Variants in CAPRIN2 observed in about 807,000 individuals in gnomAD.
The protein encoded by CAPRIN2 is caprin-2.
Under a neutral mutation model 130.4 loss-of-function variants are expected in CAPRIN2, and 66 were observed. The ratio of observed to expected loss-of-function variants is 0.51; its 90% CI spans 0.42 to 0.62. The LOEUF is 0.62. Ranked by LOEUF, CAPRIN2 falls within the 20% of genes least tolerant of loss-of-function variation. The probability of loss-of-function intolerance (pLI) is 0.00; values close to 1 mark genes in which losing one functional copy is unlikely to be tolerated. For missense variants in CAPRIN2, 1,185 were observed against 1,246.6 expected (o/e 0.95, Z 0.74); for synonymous variants, 471 against 444.1 (o/e 1.06, Z -0.76).
At chr12:30,715,507 G>A in intron 13 of CAPRIN2, 1 of 456,430 alleles carries the variant, frequency 2.2e-6, no homozygotes, top group Non-Finnish European at 4.4e-6. Context: ...CCAGGGGCTG[G>A]GGGGAGAGGA....
chr12:30,751,909 ATTTTTTTTTTTT>A (rs574883707), intron 1 of CAPRIN2, among the ~76,000 whole-genome samples: 63 of 87,868 alleles, frequency 7.2e-4, no homozygotes, highest in African/African-American at 2.1e-3. Context: ...CCACTATGGT[ATTTTTTTTTTTT>A]TTTTTTTTTT....
exon 1 of CAPRIN2, chr12:30,753,413 C>A: frequency 1.2e-6 from 2 of 1,613,890 alleles, no homozygotes; most frequent in Non-Finnish European, 1.7e-6. Context: ...AGGTCTCATA[C>A]GCTTGGGAAG....
At chr12:30,746,335 T>C (rs2070344741) in intron 2 of CAPRIN2, among the ~76,000 whole-genome samples, 1 of 152,172 alleles carries the variant, frequency 6.6e-6, no homozygotes, top group Admixed American at 6.5e-5. Flanking sequence ...AAGGCTACAG[T>C]GAGCTATGAT....
intron 16 of CAPRIN2, 58 bp downstream of exon 18, chr12:30,711,508 G>T: frequency 7.7e-7 from 1 of 1,301,114 alleles, no homozygotes; most frequent in Non-Finnish European, 1.1e-6. Context: ...GGTAGAGGAT[G>T]CAGAAAGAAC....
In CAPRIN2 at chr12:30,729,041, G is replaced by A. The variant is rs1470991984; in HGVS notation, c.1389C>T (p.Ser463=). The change falls in exon 8 of 17, where the codon TCC becomes TCT. Residue 463 remains serine (S), a synonymous_variant. Coordinates refer to ENST00000298892, the Ensembl canonical transcript of CAPRIN2. Reference sequence around the variant, plus strand: ...ACTGGCTAGGAGATGGCTTGGATTTGGAGATCTCCTGCTTCTTCTGCTCTT... The same window carrying A: ...ACTGGCTAGGAGATGGCTTGGATTTAGAGATCTCCTGCTTCTTCTGCTCTT... 4.3e-6 allele frequency: 7 copies of A among 1,614,102 alleles called. No homozygotes were observed. The African/African-American group carries it at 9.3e-5, about 22-fold the overall frequency.
At chr12:30,716,725 T>C in intron 12 of CAPRIN2, 49 bp from the exon 15 acceptor site, 1 of 1,565,418 alleles carries the variant, frequency 6.4e-7, no homozygotes, top group Non-Finnish European at 8.7e-7. Context: ...TCAAAGAAAA[T>C]GCTTAAGGGT....
chr12:30,720,058 G>A (rs2136959885), intron 12 of CAPRIN2: 1 of 152,244 alleles, frequency 6.6e-6, no homozygotes, highest in South Asian at 2.1e-4. Context: ...AATTGAAATT[G>A]AAAGCACAAA....
At chr12:30,713,952 T>G in intron 14 of CAPRIN2, 67 bp from the exon 17 acceptor site, 2 of 921,240 alleles carry the variant, frequency 2.2e-6, no homozygotes, top group Non-Finnish European at 3.4e-6. Context: ...ACAGTCTAAT[T>G]CTATATTGCT....
chr12:30,713,748 G>T, intron 15 of CAPRIN2, 37 bp downstream of exon 17: 2 of 1,199,196 alleles, frequency 1.7e-6, no homozygotes, highest in African/African-American at 1.5e-5. Context: ...ATCAACAACT[G>T]TACCACTATT....
At chr12:30,735,048 T>C (rs755946669) in exon 4 of CAPRIN2, 2 of 1,614,156 alleles carry the variant, frequency 1.2e-6, no homozygotes, top group South Asian at 2.2e-5. Context: ...GCAAATACAC[T>C]GCACCATTCA....
intron 14 of CAPRIN2, among the ~76,000 whole-genome samples, chr12:30,714,342 C>T (rs1037947601): frequency 6.6e-6 from 1 of 152,130 alleles, no homozygotes; most frequent in African/African-American, 2.4e-5. Context: ...TCACCATGCC[C>T]AGCTAATATT....
chr12:30,719,059 C>A lies in CAPRIN2; in HGVS notation c.2148+1752G>T. ...AACAGGAATAATGAACTGCAATCAT[C>A]ATTCATGTTTCATACTCACTGTCTG... On this transcript the variant is annotated intron_variant, in intron 12 of 16. Transcript: ENST00000298892. 1 of 1,605,530 alleles carries A rather than the reference C, an allele frequency of 6.2e-7. No individual in the cohort carries two copies. The highest frequency in any genetic ancestry group is 8.5e-7 in the Non-Finnish European group (1 of 1,174,122).
chr12:30,719,131 G>C (rs747709206), intron 12 of CAPRIN2: 1 of 1,614,102 alleles, frequency 6.2e-7, no homozygotes, highest in East Asian at 2.2e-5. Context: ...ACTACTACTT[G>C]CTGGAGGTGA....
In CAPRIN2 at chr12:30,719,332, T is replaced by C. The variant is rs2058651702; in HGVS notation, c.2148+1479A>G. 13 of 1,266,500 alleles carry C rather than the reference T, an allele frequency of 1.0e-5. 1 individual carries two copies. In the East Asian group the frequency reaches 1.4e-4, roughly 14 times the overall value. 78.5% of individuals were successfully genotyped at this position (1,266,500 alleles called of 1,614,324 possible). ...AGTCAGCAAGTTCTTTAGGATGACA[T>C]TTGGACACAGGAATGCAAAAGAATA... is the stretch of plus-strand genomic sequence containing the variant. On this transcript the variant is annotated intron_variant, in intron 12 of 16. Coordinates refer to ENST00000298892, the Ensembl canonical transcript of CAPRIN2.
chr12:30,710,498 C>T lies in CAPRIN2; in HGVS notation c.2666-28G>A, dbSNP rs747195058. The T allele has an allele frequency of 5.6e-6, 9 of 1,612,906 alleles. No homozygotes were observed. The East Asian group carries it at 1.6e-4, about 28-fold the overall frequency. On this transcript the variant is annotated intron_variant, in intron 16 of 16. Coordinates refer to ENST00000298892, the Ensembl canonical transcript of CAPRIN2. The surrounding 1 kb of genome is among the most constrained non-coding windows in gnomAD (Gnocchi z 4.8). Reference sequence around the variant, plus strand: ...GTTTTATTAGCAACAGTGAGTTTCTCATAATGAAGCAGTTAGCTTTGAACA... The same window carrying T: ...GTTTTATTAGCAACAGTGAGTTTCTTATAATGAAGCAGTTAGCTTTGAACA...
chr12:30,736,910 T>A (rs1352251764), intron 3 of CAPRIN2, among the ~76,000 whole-genome samples: 1 of 152,212 alleles, frequency 6.6e-6, no homozygotes, highest in African/African-American at 2.4e-5. Flanking sequence ...ACCACATGAT[T>A]ATCTCAGATT....
chr12:30,713,474 G>A (rs544162516), intron 15 of CAPRIN2, among the ~76,000 whole-genome samples: 5 of 152,304 alleles, frequency 3.3e-5, no homozygotes, highest in South Asian at 2.1e-4. Flanking sequence ...GATAAGTGAC[G>A]TTAGGTAAGT....
chr12:30,719,003 C>A, intron 12 of CAPRIN2, 76 bp downstream of exon 14: 2 of 1,483,550 alleles, frequency 1.3e-6, no homozygotes, highest in South Asian at 2.8e-5. Flanking sequence ...ACATAGTATC[C>A]AATAATTATG....
intron 15 of CAPRIN2, 44 bp downstream of exon 17, chr12:30,713,741 A>C: frequency 8.8e-7 from 1 of 1,140,600 alleles, no homozygotes; most frequent in Non-Finnish European, 1.3e-6. Flanking sequence ...GCTTAACATC[A>C]ACAACTGTAC....
Sources: gnomAD v4.1 joint callset for allele counts (sites outside exome capture counted in the v4.1 genomes callset) on GRCh38, gnomAD v4.1.1 for gene constraint, Gnocchi (gnomAD v3.1) non-coding constraint, MANE v1.5 for transcripts, NCBI Gene and HGNC (gene_info 2026-07-23, HGNC 2026-07-21) for gene names.